The following SLC36A2 variants were observed in gnomAD, a reference collection of about 807,000 sequenced individuals.
SLC36A2 encodes the protein proton-coupled amino acid transporter 2.
A neutral mutation model predicts 42.7 loss-of-function variants in SLC36A2; 39 were observed. That is an observed-to-expected ratio of 0.91 (90% confidence interval 0.71 to 1.19). The LOEUF is 1.19. Ranked by LOEUF, SLC36A2 falls within the 50% of genes most tolerant of loss-of-function variation. The pLI is 0.00. For missense variants in SLC36A2, 590 were observed against 613.7 expected (o/e 0.96, Z 0.41); for synonymous variants, 237 against 240.8 (o/e 0.98, Z 0.15).
At chr5:151,323,242 AATAG>A (rs1212489150) in intron 8 of SLC36A2, among the ~76,000 whole-genome samples, 12 of 102,776 alleles carry the variant, frequency 1.2e-4, no homozygotes, top group African/African-American at 2.5e-4. Flanking sequence ...CTCAAAAATA[AATAG>A]ATAGATAGAT....
At position 151,316,874 on chromosome 5, in the gene SLC36A2, C is replaced by T. The variant is rs780217898; in HGVS notation, c.1395G>A (p.Glu465=). The change falls in exon 10 of 10, where the codon GAG becomes GAA. Residue 465 remains glutamate, a synonymous_variant. Transcript: ENST00000335244. ...FVVGTYQALD[E]LLKSEDSHPF... ...GGTGAGAGTCTTCTGACTTGAGCAG[C>T]TCGTCCAGGGCCTGGTAGGTCCCCA... is the stretch of plus-strand genomic sequence containing the variant. 5.6e-6 allele frequency: 9 copies of T among 1,614,110 alleles called. No individual in the cohort carries two copies. The South Asian group carries it at 7.7e-5, about 14-fold the overall frequency.
intron 7 of SLC36A2, among the ~76,000 whole-genome samples, chr5:151,331,303 T>C (rs758052646): frequency 2.0e-5 from 3 of 151,384 alleles, no homozygotes; most frequent in Non-Finnish European, 4.4e-5. Flanking sequence ...TTCTTTCTTT[T>C]TTTCTGTTTT....
Position 151,347,298 on chromosome 5 carries a change from T to C in SLC36A2, c.163A>G (p.Thr55Ala), listed in dbSNP as rs1037910632. Residue 55 changes from threonine (T) to alanine (A), a missense_variant and splice_region_variant, in exon 1 of 10, where the codon ACA becomes GCA. Coordinates refer to ENST00000335244, the MANE Select transcript of SLC36A2 (RefSeq NM_181776.3). ...GGGATGGCAGAAAACAGCACTCACG[T>C]TATGCCCTTGGTCTTCTTCAAGCCT... ...SAGLKKTKGI[T>A]VFQALIHLVK... The C allele has an allele frequency of 6.8e-6, 11 of 1,614,074 alleles. No individual in the cohort carries two copies. In the African/African-American group the frequency reaches 1.5e-4, roughly 22 times the overall value.
intron 5 of SLC36A2, 88 bp from the exon 6 acceptor site, chr5:151,335,635 C>T: frequency 1.0e-6 from 1 of 961,732 alleles, no homozygotes; most frequent in Non-Finnish European, 1.7e-6. Context: ...TAATCAAATT[C>T]CCTCACAGTG....
chr5:151,324,241 C>G (rs905106653), intron 8 of SLC36A2, among the ~76,000 whole-genome samples: 7 of 152,092 alleles, frequency 4.6e-5, no homozygotes, highest in Admixed American at 4.6e-4. Context: ...CTCCCAGGTT[C>G]AAGTGATTCT....
In SLC36A2 at chr5:151,344,093, C is replaced by T. The variant is rs747165790; in HGVS notation, c.255+84G>A. The T allele has an allele frequency of 3.2e-6, 4 of 1,259,284 alleles. No individual in the cohort carries two copies. In the Admixed American group the frequency reaches 5.6e-5, roughly 18 times the overall value. 78.0% of individuals were successfully genotyped at this position (1,259,284 alleles called of 1,614,324 possible). On this transcript the variant is annotated intron_variant, in intron 2 of 9. Transcript: ENST00000335244. ...TGTGTCCCAGAAAGACTGCTCACCA[C>T]AGGTTGCTAAACCGCTAGAGCCTCT...
Position 151,342,922 on chromosome 5 carries a change from T to C in SLC36A2, c.406A>G (p.Asn136Asp), listed in dbSNP as rs778903855. 1 of 1,614,056 alleles carries C rather than the reference T, an allele frequency of 6.2e-7. No homozygotes were observed. Among genetic ancestry groups the C allele is most frequent in the South Asian group, 1.1e-5 (1 of 91,072 alleles). Residue 136 changes from asparagine to aspartate, a missense_variant, in exon 4 of 10, where the codon AAC (asparagine) becomes GAC (aspartate). Asn to Asp is a conservative substitution (Grantham distance 23). Coordinates refer to ENST00000335244, the MANE Select transcript of SLC36A2 (RefSeq NM_181776.3). ...TGAGCGTGATTCTGGAGCCAGGCGT[T>C]GGGGTTGGCTTCTAGTCCATGCATC... The part of the protein sequence containing the change: ...TVMHGLEANP[N>D]AWLQNHAHWG...
rs1007494438 is a variant in SLC36A2, at chr5:151,315,733, C to T, written c.*1084G>A. On this transcript the variant is annotated 3_prime_UTR_variant, in exon 10 of 10. Coordinates refer to ENST00000335244, the MANE Select transcript of SLC36A2 (RefSeq NM_181776.3). Reference sequence around the variant, plus strand: ...GAGCAGGTGCAAAGTCACATTATCACGAGGAATTTATGGTCATTTTTGCAA... The same window carrying T: ...GAGCAGGTGCAAAGTCACATTATCATGAGGAATTTATGGTCATTTTTGCAA... 3.3e-5 allele frequency: 5 copies of T among 152,166 alleles called. No homozygotes were observed. Among genetic ancestry groups the T allele is most frequent in the African/African-American group, 9.7e-5 (4 of 41,432 alleles). The allele number at this position is 152,166 out of a possible 1,614,324, so 9.4% of individuals were successfully genotyped here.
Position 151,325,399 on chromosome 5 carries a change from C to T in SLC36A2, c.897G>A (p.Leu299=). 6.2e-7 allele frequency: 1 copy of T among 1,614,204 alleles called. No homozygotes were observed. The highest frequency in any genetic ancestry group is 1.7e-5 in the Admixed American group (1 of 60,020). Residue 299 remains leucine, a synonymous_variant, in exon 8 of 10, where the codon CTG becomes CTA. Transcript: ENST00000335244. ...MKNARHFPAI[L]SLGMSIVTSL... ...AAGTGACGATGGACATTCCCAAAGA[C>T]AGGATGGCTGGGAAGTGGCGGGCAT...
In SLC36A2 at chr5:151,343,692, C is replaced by T. The variant is rs908779107; in HGVS notation, c.256-94G>A. The T allele has an allele frequency of 5.7e-5, 66 of 1,164,928 alleles. 1 individual carries two copies. Among genetic ancestry groups the T allele is most frequent in the Admixed American group, 5.3e-4 (29 of 54,254 alleles). The allele number at this position is 1,164,928 out of a possible 1,614,324, so 72.2% of individuals were successfully genotyped here. ...TGGGCTTGGTAGTGCTGATATCATGCAGAACTCAAAGAACTCTCTAGCAAA... is the reference window on the plus strand; with the variant it reads ...TGGGCTTGGTAGTGCTGATATCATGTAGAACTCAAAGAACTCTCTAGCAAA... On this transcript the variant is annotated intron_variant, in intron 2 of 9. Transcript: ENST00000335244.
chr5:151,346,033 A>T lies in SLC36A2; in HGVS notation c.164+1264T>A, dbSNP rs114328888. Reference sequence around the variant, plus strand: ...TGGGTGAGCCAACCCCATCGTTGCCACGCTTACTCAGCCCGTTATTTGGCT... The same window carrying T: ...TGGGTGAGCCAACCCCATCGTTGCCTCGCTTACTCAGCCCGTTATTTGGCT... On this transcript the variant is annotated intron_variant, in intron 1 of 9. Coordinates refer to ENST00000335244, the MANE Select transcript of SLC36A2 (RefSeq NM_181776.3). Among the ~76,000 whole-genome samples the T allele has an allele frequency of 3.9e-3, 591 of 152,336 alleles. 9 individuals carry two copies. The highest frequency in any genetic ancestry group is 0.013 in the African/African-American group (546 of 41,560).
intron 9 of SLC36A2, among the ~76,000 whole-genome samples, chr5:151,320,629 C>G (rs1755659174): frequency 6.6e-6 from 1 of 152,186 alleles, no homozygotes; most frequent in African/African-American, 2.4e-5. Context: ...GTCATGGGGG[C>G]TGCTGTGAGC....
intron 4 of SLC36A2, among the ~76,000 whole-genome samples, chr5:151,339,803 G>T (rs1165110398): frequency 6.6e-6 from 1 of 152,102 alleles, no homozygotes; most frequent in Non-Finnish European, 1.5e-5. Context: ...ATTTTTTTCT[G>T]CCATGTGCCA....
intron 9 of SLC36A2, among the ~76,000 whole-genome samples, chr5:151,317,702 A>G (rs1288898434): frequency 2.0e-5 from 3 of 152,142 alleles, no homozygotes; most frequent in Admixed American, 2.0e-4. Flanking sequence ...CAAAACAACA[A>G]TAACAAAATT....
At chr5:151,326,714 TCTC>T (rs1755861650) in intron 7 of SLC36A2, among the ~76,000 whole-genome samples, 1 of 152,100 alleles carries the variant, frequency 6.6e-6, no homozygotes, top group Admixed American at 6.5e-5. Context: ...ACCCCCACCT[TCTC>T]CTACTCCTTG....
intron 8 of SLC36A2, 95 bp downstream of exon 8, chr5:151,325,191 G>T: frequency 7.0e-7 from 1 of 1,432,186 alleles, no homozygotes; most frequent in Non-Finnish European, 9.6e-7. Flanking sequence ...AGGCTCTCTA[G>T]ACCTCAGTTT....
chr5:151,343,126 T>G, intron 3 of SLC36A2, 143 bp from the exon 4 acceptor site: 1 of 726,054 alleles, frequency 1.4e-6, no homozygotes, highest in Non-Finnish European at 2.5e-6. Flanking sequence ...GCTTTGACAC[T>G]CAGCAGTAAT....
intron 7 of SLC36A2, chr5:151,332,298 C>G: frequency 2.5e-6 from 1 of 396,872 alleles, no homozygotes; most frequent in Admixed American, 3.1e-5. Flanking sequence ...ACTCTTAAAA[C>G]TCAACAAAAA....
At chr5:151,332,370 A>G in intron 7 of SLC36A2, 1 of 455,050 alleles carries the variant, frequency 2.2e-6, no homozygotes, top group Non-Finnish European at 4.4e-6. Flanking sequence ...AGATGTGCAA[A>G]TTGCCAACAA....
Sources: gnomAD v4.1 joint callset for allele counts (sites outside exome capture counted in the v4.1 genomes callset) on GRCh38, gnomAD v4.1.1 for gene constraint, MANE v1.5 for transcripts, NCBI Gene and HGNC (gene_info 2026-07-23, HGNC 2026-07-21) for gene names.